SYCP1: variants seen among roughly 807,000 people sequenced by gnomAD.
SYCP1 encodes cancer/testis antigen 8.
Under a neutral mutation model 153.1 loss-of-function variants are expected in SYCP1, and 64 were observed. The observed-to-expected ratio is 0.42, with a 90% CI of 0.34 to 0.51. The LOEUF is 0.51. Among genes scored for constraint, SYCP1 ranks in the 20% least tolerant of loss-of-function variants. The probability of loss-of-function intolerance (pLI) is 0.06; values close to 1 mark genes in which losing one functional copy is unlikely to be tolerated. For missense variants in SYCP1, 997 were observed against 1,049.0 expected (o/e 0.95, Z 0.68); for synonymous variants, 384 against 341.8 (o/e 1.12, Z -1.36).
At chr1:114,924,735 G>A (rs1019206407) in intron 21 of SYCP1, among the ~76,000 whole-genome samples, 2 of 152,042 alleles carry the variant, frequency 1.3e-5, no homozygotes, top group East Asian at 3.9e-4. Flanking sequence ...GTGGTAGAGG[G>A]CAGAGTGAGG....
At chr1:114,881,836 T>A (rs886100458) in intron 12 of SYCP1, among the ~76,000 whole-genome samples, 1 of 152,170 alleles carries the variant, frequency 6.6e-6, no homozygotes, top group African/African-American at 2.4e-5. Context: ...GTAATATCTT[T>A]TCCCTCTCTT....
chr1:114,892,694 C>T (rs1022870904), intron 15 of SYCP1, among the ~76,000 whole-genome samples: 10 of 152,048 alleles, frequency 6.6e-5, no homozygotes, highest in Admixed American at 2.6e-4. Flanking sequence ...CTTTTCCTGG[C>T]GCACGCACGG....
At chr1:114,899,874 G>A (rs531500818) in intron 16 of SYCP1, among the ~76,000 whole-genome samples, 2 of 152,342 alleles carry the variant, frequency 1.3e-5, no homozygotes, top group East Asian at 3.9e-4. Context: ...CATCGGAAAA[G>A]CCTGGCGTCA....
At chr1:114,872,510 T>A (rs1665220110) in intron 8 of SYCP1, among the ~76,000 whole-genome samples, 1 of 152,170 alleles carries the variant, frequency 6.6e-6, no homozygotes, top group South Asian at 2.1e-4. Context: ...AGGTGTAGTG[T>A]CTTTGGCATT....
At chr1:114,873,708 A>C (rs758575395) in intron 8 of SYCP1, among the ~76,000 whole-genome samples, 28 of 152,146 alleles carry the variant, frequency 1.8e-4, no homozygotes, top group Non-Finnish European at 3.8e-4. Context: ...CAGAAGGTTA[A>C]ACTCACAAGA....
At chr1:114,947,837 A>AAAAAAG (rs1557825165) in intron 27 of SYCP1, among the ~76,000 whole-genome samples, 2 of 149,284 alleles carry the variant, frequency 1.3e-5, no homozygotes, top group African/African-American at 4.9e-5. Context: ...AAAAAAAAAA[A>AAAAAAG]AAAAAGAAAA....
chr1:114,856,491 A>C (rs987563265), intron 2 of SYCP1, 82 bp from the exon 3 acceptor site: 11 of 861,212 alleles, frequency 1.3e-5, no homozygotes, highest in Middle Eastern at 6.6e-4. Flanking sequence ...AAGCAGATGT[A>C]TATTACATAT....
chr1:114,860,388 C>G (rs1469474530), intron 7 of SYCP1, among the ~76,000 whole-genome samples: 1 of 152,086 alleles, frequency 6.6e-6, no homozygotes, highest in Non-Finnish European at 1.5e-5. Context: ...AACCTATTCT[C>G]ATTATTTTTC....
rs1202904590 is a variant in SYCP1, at chr1:114,887,663, A to G, written c.1228A>G (p.Met410Val). Residue 410 changes from methionine to valine, a missense_variant, in exon 15 of 32, where the codon ATG becomes GTG. Met to Val is a conservative substitution (Grantham distance 21). Around this residue, in one of 2 missense-constraint regions of SYCP1, gnomAD observed 712 missense variants for 682.9 expected, o/e 1.04. Coordinates refer to ENST00000369522, the MANE Select transcript of SYCP1 (RefSeq NM_003176.4). ...KNEDQLKILT[M>V]ELQKKSSELE... ...TGAAGATCAATTGAAAATACTTACC[A>G]TGGAGCTTCAAAAGAAATCAAGTGA... 1.3e-6 allele frequency: 2 copies of G among 1,572,208 alleles called. No individual in the cohort carries two copies. The highest frequency in any genetic ancestry group is 1.7e-6 in the Non-Finnish European group (2 of 1,156,720).
chr1:114,886,522 G>A (rs1176971461), intron 14 of SYCP1, among the ~76,000 whole-genome samples: 2 of 152,048 alleles, frequency 1.3e-5, no homozygotes, highest in Non-Finnish European at 2.9e-5. Flanking sequence ...ATGTTCTCTA[G>A]GATAGTTCTC....
At chr1:114,876,379 G>T (rs372740939) in intron 10 of SYCP1, among the ~76,000 whole-genome samples, 1 of 150,980 alleles carries the variant, frequency 6.6e-6, no homozygotes, top group African/African-American at 2.4e-5. Context: ...TTTTTTTTTA[G>T]AAATGTGATT....
chr1:114,874,659 A>G (rs374567218), intron 9 of SYCP1, 95 bp downstream of exon 9: 1 of 701,058 alleles, frequency 1.4e-6, no homozygotes, highest in Non-Finnish European at 2.3e-6. Flanking sequence ...TTCTTACTAA[A>G]AAGATTATTA....
chr1:114,873,001 T>C (rs1156921744), intron 8 of SYCP1, among the ~76,000 whole-genome samples: 1 of 152,190 alleles, frequency 6.6e-6, no homozygotes, highest in Non-Finnish European at 1.5e-5. Context: ...CATTTTTGTT[T>C]TGAGTCATTC....
chr1:114,865,044 T>C (rs974233147), intron 8 of SYCP1, among the ~76,000 whole-genome samples: 3 of 152,208 alleles, frequency 2.0e-5, no homozygotes, highest in Non-Finnish European at 2.9e-5. Context: ...TCTTAATTTG[T>C]TATTGTATTT....
At chr1:114,960,658 A>G (rs1385288484) in intron 27 of SYCP1, among the ~76,000 whole-genome samples, 2 of 152,230 alleles carry the variant, frequency 1.3e-5, no homozygotes, top group African/African-American at 4.8e-5. Context: ...TCTGATGATC[A>G]GTAATGTTGA....
At chr1:114,954,550 T>C (rs1438110228) in intron 27 of SYCP1, among the ~76,000 whole-genome samples, 1 of 147,222 alleles carries the variant, frequency 6.8e-6, no homozygotes, top group Non-Finnish European at 1.5e-5. Context: ...GTATGCTTTT[T>C]ATTTATTTAT....
intron 8 of SYCP1, among the ~76,000 whole-genome samples, chr1:114,861,552 A>T (rs1011645457): frequency 6.6e-6 from 1 of 152,126 alleles, no homozygotes; most frequent in African/African-American, 2.4e-5. Context: ...GCTTGGGCTT[A>T]AGGATTAGAT....
At chr1:114,877,452 T>C (rs1175996158) in intron 11 of SYCP1, among the ~76,000 whole-genome samples, 1 of 152,238 alleles carries the variant, frequency 6.6e-6, no homozygotes, top group African/African-American at 2.4e-5. Flanking sequence ...CAGTTTTTCT[T>C]GTCTGATTTG....
intron 27 of SYCP1, among the ~76,000 whole-genome samples, chr1:114,961,509 G>T (rs960053966): frequency 5.3e-5 from 8 of 152,084 alleles, no homozygotes; most frequent in Non-Finnish European, 8.8e-5. Context: ...CACTGCTTTT[G>T]CTGTATCTCA....
Sources: allele counts gnomAD v4.1 joint callset (sites outside exome capture counted in the v4.1 genomes callset), GRCh38; gene constraint gnomAD v4.1.1; regional missense constraint gnomAD v4.1.1; transcripts MANE v1.5; gene names NCBI Gene and HGNC (gene_info 2026-07-23, HGNC 2026-07-21).